PDE11A: variants seen among roughly 807,000 people sequenced by gnomAD.
PDE11A encodes dual 3',5'-cyclic-AMP and -GMP phosphodiesterase 11A.
Under a neutral mutation model 100.5 loss-of-function variants are expected in PDE11A, and 100 were observed. That is an observed-to-expected ratio of 1.00 (90% CI 0.85 to 1.18). The LOEUF (loss-of-function observed/expected upper bound fraction) is 1.18. PDE11A is among the 50% of genes most tolerant of loss of function. The probability of loss-of-function intolerance (pLI) is 0.00; values close to 1 mark genes in which losing one functional copy is unlikely to be tolerated. For synonymous variants in PDE11A, 381 were observed against 420.8 expected, an observed-to-expected ratio of 0.91 and a Z score of 1.16; for missense variants, 1,141 against 1,152.6, an observed-to-expected ratio of 0.99 and a Z score of 0.15.
chr2:177,775,013 A>G (rs2105509686), intron 9 of PDE11A, among the ~76,000 whole-genome samples: 1 of 152,316 alleles, frequency 6.6e-6, no homozygotes, highest in Non-Finnish European at 1.5e-5. Flanking sequence ...GAGTGATGCA[A>G]TGTAAGAAAG....
At chr2:177,638,039 A>C (rs1427760432) in intron 19 of PDE11A, among the ~76,000 whole-genome samples, 4 of 129,608 alleles carry the variant, frequency 3.1e-5, no homozygotes, top group African/African-American at 6.1e-5. Context: ...TCGCTCTGTC[A>C]CCCAGGCTGG....
At chr2:177,987,253 G>C (rs34363929) in intron 2 of PDE11A, among the ~76,000 whole-genome samples, 9,549 of 152,108 alleles carry the variant, frequency 0.063, 313 homozygotes, top group South Asian at 0.094. Context: ...GAGGGAAAAG[G>C]GTAAAGAACC....
chr2:178,083,479 T>A (rs965149110), intron 2 of PDE11A, among the ~76,000 whole-genome samples: 9 of 152,148 alleles, frequency 5.9e-5, no homozygotes, highest in Non-Finnish European at 5.9e-5. Context: ...AAAACAAAAA[T>A]TTTTTTAAAG....
intron 2 of PDE11A, among the ~76,000 whole-genome samples, chr2:178,007,984 G>T (rs1000025147): frequency 6.6e-6 from 1 of 152,056 alleles, no homozygotes; most frequent in African/African-American, 2.4e-5. Flanking sequence ...CAAATTACAG[G>T]CATGAGCCAT....
chr2:178,014,278 C>A (rs145348554), intron 2 of PDE11A, 24 bp downstream of exon 2: 2 of 1,577,558 alleles, frequency 1.3e-6, no homozygotes, highest in Non-Finnish European at 1.7e-6. Flanking sequence ...AAAAGTACAA[C>A]TCACAAAAGG....
intron 2 of PDE11A, among the ~76,000 whole-genome samples, chr2:178,093,556 A>G (rs1228519595): frequency 6.6e-6 from 1 of 152,206 alleles, no homozygotes; most frequent in Non-Finnish European, 1.5e-5. Context: ...AGAAAGAGAA[A>G]CAGAACTGCT....
At chr2:177,773,726 C>T (rs1235266850) in intron 9 of PDE11A, among the ~76,000 whole-genome samples, 2 of 152,138 alleles carry the variant, frequency 1.3e-5, no homozygotes, top group Non-Finnish European at 2.9e-5. Context: ...AATGGTCTAG[C>T]TAAAGAATCT....
chr2:177,993,077 C>A (rs2086023542), intron 2 of PDE11A, among the ~76,000 whole-genome samples: 1 of 152,082 alleles, frequency 6.6e-6, no homozygotes, highest in East Asian at 1.9e-4. Flanking sequence ...ACTTCTCAAC[C>A]AGAATTTTCC....
rs1403758632 is a variant in PDE11A, at chr2:177,728,015, A to G, written c.1935+11T>C. On this transcript the variant is annotated intron_variant, in intron 11 of 19. Transcript: ENST00000286063. ...GTGAACTGCTTGGATCACCCAAGAC[A>G]GACATCTTACCTCATAGTCAATTTT... is the stretch of plus-strand genomic sequence containing the variant. 29 of 1,611,624 alleles carry G rather than the reference A, an allele frequency of 1.8e-5. No homozygotes were observed. Among genetic ancestry groups the G allele is most frequent in the Non-Finnish European group, 2.5e-5 (29 of 1,178,090 alleles).
chr2:178,063,662 T>C (rs758497648), intron 1 of PDE11A, among the ~76,000 whole-genome samples: 3 of 152,146 alleles, frequency 2.0e-5, no homozygotes, highest in Non-Finnish European at 4.4e-5. Context: ...CCCTGGGTGA[T>C]TTAGGGCAAG....
chr2:177,733,360 G>T (rs550491164), intron 10 of PDE11A, among the ~76,000 whole-genome samples: 1 of 152,322 alleles, frequency 6.6e-6, no homozygotes, highest in South Asian at 2.1e-4. Flanking sequence ...TGTTCAAGAA[G>T]TGAGACTCTA....
chr2:178,019,957 C>A (rs2086385635), intron 1 of PDE11A, among the ~76,000 whole-genome samples: 1 of 152,134 alleles, frequency 6.6e-6, no homozygotes, highest in Non-Finnish European at 1.5e-5. Context: ...AGTGGTTGTT[C>A]CCCCTGACTG....
chr2:178,105,352 C>A (rs949776518), intron 1 of PDE11A, among the ~76,000 whole-genome samples: 4 of 151,996 alleles, frequency 2.6e-5, no homozygotes, highest in African/African-American at 4.8e-5. Flanking sequence ...CCCAGCTACT[C>A]GGGAGGTTGA....
At chr2:177,798,502 T>C (rs1044865383) in intron 9 of PDE11A, among the ~76,000 whole-genome samples, 3 of 152,210 alleles carry the variant, frequency 2.0e-5, no homozygotes, top group African/African-American at 7.2e-5. Context: ...CATTAAAGTG[T>C]TTCAAACATA....
At chr2:177,655,509 C>T (rs1415457744) in intron 19 of PDE11A, among the ~76,000 whole-genome samples, 2 of 152,124 alleles carry the variant, frequency 1.3e-5, no homozygotes, top group African/African-American at 2.4e-5. Context: ...GAACTTCTTC[C>T]TGCCCAGCAC....
chr2:178,072,501 C>T lies in PDE11A; in HGVS notation c.-64G>A. On this transcript the variant is annotated 5_prime_UTR_variant, in exon 1 of 20. It removes the in-frame stop codon of an upstream open reading frame in the 5' UTR. Transcript: ENST00000286063. ...CAAATGTTTTCCTGCCCCGAGGCCT[C>T]TAGCTGTTCCTGCACATGTTCACCC... is the stretch of plus-strand genomic sequence containing the variant. 2 of 1,599,206 alleles carry T rather than the reference C, an allele frequency of 1.3e-6. No homozygotes were observed. The highest frequency in any genetic ancestry group is 1.7e-6 in the Non-Finnish European group (2 of 1,176,832).
intron 10 of PDE11A, among the ~76,000 whole-genome samples, chr2:177,731,547 A>G (rs1306384763): frequency 6.6e-6 from 1 of 152,108 alleles, no homozygotes; most frequent in Non-Finnish European, 1.5e-5. Context: ...CTGCACGCCC[A>G]CCCTCACCCT....
At chr2:177,759,033 T>G (rs908014440) in intron 10 of PDE11A, among the ~76,000 whole-genome samples, 20 of 152,340 alleles carry the variant, frequency 1.3e-4, no homozygotes, top group African/African-American at 4.8e-4. Flanking sequence ...GTGGCCAAAG[T>G]GCTTCATCTC....
At chr2:178,079,824 T>C (rs115961681) in intron 2 of PDE11A, among the ~76,000 whole-genome samples, 1,820 of 152,308 alleles carry the variant, frequency 0.012, 31 homozygotes, top group East Asian at 0.072. Flanking sequence ...TTTTTAATAA[T>C]TGCCAAGAAA....
Sources: gnomAD v4.1 joint callset for allele counts (sites outside exome capture counted in the v4.1 genomes callset) on GRCh38, gnomAD v4.1.1 for gene constraint, MANE v1.5 for transcripts, NCBI Gene and HGNC (gene_info 2026-07-23, HGNC 2026-07-21) for gene names.